Variants in KALRN observed in about 807,000 individuals in gnomAD.
KALRN encodes kalirin.
In KALRN, 70 loss-of-function variants were observed where a neutral mutation model predicts 353.7. That is an observed-to-expected ratio of 0.20 (90% confidence interval 0.16 to 0.24). The LOEUF (loss-of-function observed/expected upper bound fraction) is 0.24, where lower values mean the gene tolerates loss of function less well. Among genes scored for constraint, KALRN ranks in the 10% least tolerant of loss-of-function variants. The probability of loss-of-function intolerance (pLI) is 1.00; values close to 1 mark genes in which losing one functional copy is unlikely to be tolerated. For synonymous variants in KALRN, 1,391 were observed against 1,434.8 expected, an observed-to-expected ratio of 0.97 and a Z score of 0.69; for missense variants, 2,791 against 3,756.7, an observed-to-expected ratio of 0.74 and a Z score of 6.72.
intron 1 of KALRN, among the ~76,000 whole-genome samples, chr3:124,077,799 C>T (rs1237162467): frequency 6.6e-6 from 1 of 152,182 alleles, no homozygotes; most frequent in Non-Finnish European, 1.5e-5. Context: ...AGTAGCAACT[C>T]CTTAACTTGG....
chr3:124,284,963 C>T (rs1017977283), intron 5 of KALRN, among the ~76,000 whole-genome samples: 3 of 152,132 alleles, frequency 2.0e-5, no homozygotes, highest in African/African-American at 7.2e-5. Context: ...AGGCTGTTTC[C>T]CTTCATGGTT....
chr3:124,087,345 G>A (rs750235779), intron 1 of KALRN, among the ~76,000 whole-genome samples: 1 of 152,236 alleles, frequency 6.6e-6, no homozygotes, highest in Non-Finnish European at 1.5e-5. Flanking sequence ...ATTCAAGCAA[G>A]CATGTTAATT....
chr3:124,287,917 A>G (rs1270894623), intron 5 of KALRN, among the ~76,000 whole-genome samples: 1 of 151,150 alleles, frequency 6.6e-6, no homozygotes, highest in Non-Finnish European at 1.5e-5. Context: ...TCTGTCACCC[A>G]GGCTAGAGTA....
intron 33 of KALRN, among the ~76,000 whole-genome samples, chr3:124,516,342 C>A (rs575430107): frequency 2.6e-5 from 4 of 152,244 alleles, no homozygotes; most frequent in African/African-American, 4.8e-5. Context: ...TGATCCTGGG[C>A]AGGACTTCTC....
At chr3:124,561,126 T>C (rs912816813) in intron 33 of KALRN, among the ~76,000 whole-genome samples, 4 of 152,204 alleles carry the variant, frequency 2.6e-5, no homozygotes, top group Admixed American at 1.3e-4. Flanking sequence ...AATGCAAAGG[T>C]ATTTTGCTAA....
At chr3:124,566,960 T>C (rs1191471164) in intron 34 of KALRN, among the ~76,000 whole-genome samples, 1 of 152,144 alleles carries the variant, frequency 6.6e-6, no homozygotes, top group African/African-American at 2.4e-5. Flanking sequence ...GCAGGGACTA[T>C]GTGTGAGGGC....
chr3:124,436,039 TG>T (rs2093448404), intron 17 of KALRN, among the ~76,000 whole-genome samples: 1 of 152,116 alleles, frequency 6.6e-6, no homozygotes, highest in Non-Finnish European at 1.5e-5. Flanking sequence ...GACAGAATAG[TG>T]GTTATAGAAA....
intron 47 of KALRN, among the ~76,000 whole-genome samples, chr3:124,668,655 TA>T (rs1394766761): frequency 2.0e-5 from 3 of 152,110 alleles, no homozygotes; most frequent in South Asian, 2.1e-4. Flanking sequence ...CCCTCAACTG[TA>T]AAAAAAATTT....
chr3:124,683,708 A>C (rs1449051168), intron 51 of KALRN, among the ~76,000 whole-genome samples: 1 of 152,186 alleles, frequency 6.6e-6, no homozygotes, highest in African/African-American at 2.4e-5. Context: ...CCTCATCCAC[A>C]ACACAGACTA....
chr3:124,598,860 G>T (rs2076521187), intron 34 of KALRN, among the ~76,000 whole-genome samples: 1 of 152,154 alleles, frequency 6.6e-6, no homozygotes, highest in African/African-American at 2.4e-5. Flanking sequence ...ATATTTAATA[G>T]AGACAAGGTC....
At chr3:124,577,305 G>C (rs2074211586) in intron 34 of KALRN, among the ~76,000 whole-genome samples, 1 of 152,114 alleles carries the variant, frequency 6.6e-6, no homozygotes, top group Non-Finnish European at 1.5e-5. Flanking sequence ...GTGTCAATTG[G>C]GCAAGTACAG....
intron 1 of KALRN, among the ~76,000 whole-genome samples, chr3:124,200,453 G>A (rs2075847729): frequency 6.6e-6 from 1 of 152,138 alleles, no homozygotes; most frequent in South Asian, 2.1e-4. Context: ...ATGGCAGCAG[G>A]GGCAAATGGG....
chr3:124,400,402 A>G (rs1191444435), intron 13 of KALRN, among the ~76,000 whole-genome samples: 1 of 152,208 alleles, frequency 6.6e-6, no homozygotes, highest in Non-Finnish European at 1.5e-5. Context: ...TGCTTTCTGG[A>G]CAGGTCCTGG....
intron 6 of KALRN, among the ~76,000 whole-genome samples, chr3:124,325,733 A>C (rs2079830884): frequency 6.6e-6 from 1 of 152,218 alleles, no homozygotes. Flanking sequence ...ACTGCATTAA[A>C]GTGCATTAAT....
chr3:124,251,072 T>C (rs1374185249), intron 3 of KALRN, among the ~76,000 whole-genome samples: 1 of 152,224 alleles, frequency 6.6e-6, no homozygotes, highest in Admixed American at 6.5e-5. Flanking sequence ...AATGCTGTGC[T>C]CCCAAGCCAC....
At chr3:124,522,639 C>T (rs912690504) in intron 33 of KALRN, among the ~76,000 whole-genome samples, 10 of 152,150 alleles carry the variant, frequency 6.6e-5, no homozygotes, top group African/African-American at 9.7e-5. Flanking sequence ...GCTGCACCCC[C>T]GGAGTTTGTG....
chr3:124,455,630 T>A (rs544175537), intron 22 of KALRN, among the ~76,000 whole-genome samples: 1 of 152,228 alleles, frequency 6.6e-6, no homozygotes, highest in Non-Finnish European at 1.5e-5. Flanking sequence ...AGAGTTTTTC[T>A]CTGTATAGAG....
At chr3:124,288,905 G>A (rs1260862624) in intron 5 of KALRN, among the ~76,000 whole-genome samples, 4 of 152,202 alleles carry the variant, frequency 2.6e-5, no homozygotes, top group Non-Finnish European at 5.9e-5. Flanking sequence ...TGAGATGCTT[G>A]TGGAACATTA....
At chr3:124,232,855 C>A (rs2148553856) in intron 2 of KALRN, among the ~76,000 whole-genome samples, 1 of 151,934 alleles carries the variant, frequency 6.6e-6, no homozygotes, top group Middle Eastern at 3.4e-3. Flanking sequence ...GGAAGTGGAA[C>A]CAAGTTTCTC....
Sources: gnomAD v4.1 joint callset for allele counts (sites outside exome capture counted in the v4.1 genomes callset) on GRCh38, gnomAD v4.1.1 for gene constraint, MANE v1.5 for transcripts, NCBI Gene and HGNC (gene_info 2026-07-23, HGNC 2026-07-21) for gene names.